PPP2R3A: variants seen among roughly 807,000 people sequenced by gnomAD.
The protein encoded by PPP2R3A is serine/threonine-protein phosphatase 2A regulatory subunit B'' subunit alpha.
In PPP2R3A, 80 loss-of-function variants were observed where a neutral mutation model predicts 106.9. The observed-to-expected ratio is 0.75, with a 90% CI of 0.62 to 0.90. The LOEUF (loss-of-function observed/expected upper bound fraction) is 0.90. PPP2R3A is among the 40% of genes least tolerant of loss of function. PPP2R3A has a pLI of 0.00. For missense variants in PPP2R3A, 1,386 were observed against 1,350.4 expected, an observed-to-expected ratio of 1.03 and a Z score of -0.41; for synonymous variants, 483 against 468.3, an observed-to-expected ratio of 1.03 and a Z score of -0.41.
chr3:136,127,425 C>A (rs1938222950), intron 13 of PPP2R3A, among the ~76,000 whole-genome samples: 1 of 151,994 alleles, frequency 6.6e-6, no homozygotes, highest in African/African-American at 2.4e-5. Context: ...GATTGAAGAT[C>A]AAACTAATGA....
chr3:136,125,475 C>T (rs1211715926), intron 13 of PPP2R3A, among the ~76,000 whole-genome samples: 2 of 152,178 alleles, frequency 1.3e-5, no homozygotes, highest in African/African-American at 4.8e-5. Context: ...CTCTGTAAAG[C>T]CAGTATCACC....
At chr3:135,991,676 G>T (rs1933169058) in intron 1 of PPP2R3A, among the ~76,000 whole-genome samples, 1 of 152,012 alleles carries the variant, frequency 6.6e-6, no homozygotes, top group Non-Finnish European at 1.5e-5. Context: ...ATGTTCCCTA[G>T]ACCCCAGAGC....
intron 5 of PPP2R3A, among the ~76,000 whole-genome samples, chr3:136,054,484 C>T (rs34767379): frequency 0.23 from 35,169 of 152,002 alleles, 4,877 homozygotes; most frequent in Non-Finnish European, 0.32. Context: ...GTCTGGATCT[C>T]TTGACCTCGT....
At chr3:136,103,128 A>T (rs1316986372) in intron 11 of PPP2R3A, 130 bp from the exon 12 acceptor site, 5 of 515,376 alleles carry the variant, frequency 9.7e-6, no homozygotes, top group East Asian at 3.3e-5. Flanking sequence ...TGAGATTTAA[A>T]TTTTTTTATT....
At chr3:136,043,771 T>G (rs992752572) in intron 4 of PPP2R3A, among the ~76,000 whole-genome samples, 1 of 152,240 alleles carries the variant, frequency 6.6e-6, no homozygotes, top group Admixed American at 6.5e-5. Context: ...TATCAATGTA[T>G]CATTTGTCCA....
intron 10 of PPP2R3A, among the ~76,000 whole-genome samples, chr3:136,098,406 G>C (rs2107960088): frequency 6.6e-6 from 1 of 152,320 alleles, no homozygotes; most frequent in Non-Finnish European, 1.5e-5. Context: ...GGTACACACA[G>C]ATCTTAATGT....
At chr3:135,973,347 A>G (rs554580997) in intron 1 of PPP2R3A, among the ~76,000 whole-genome samples, 1 of 152,316 alleles carries the variant, frequency 6.6e-6, no homozygotes, top group Admixed American at 6.5e-5. Context: ...TATTATTGGC[A>G]TGCCACATAG....
At chr3:135,992,501 C>T (rs2107775483) in intron 1 of PPP2R3A, among the ~76,000 whole-genome samples, 1 of 152,230 alleles carries the variant, frequency 6.6e-6, no homozygotes. Flanking sequence ...CCAGATGTTT[C>T]CTGAAGTGGA....
intron 10 of PPP2R3A, among the ~76,000 whole-genome samples, chr3:136,097,989 T>A (rs1198407281): frequency 2.6e-5 from 4 of 152,224 alleles, no homozygotes; most frequent in Non-Finnish European, 5.9e-5. Context: ...TGACTGAACC[T>A]CACCATAGCC....
Position 136,002,129 on chromosome 3 carries a change from G to A in PPP2R3A, c.631G>A (p.Val211Ile), listed in dbSNP as rs1933650889. 1 of 1,613,984 alleles carries A rather than the reference G, an allele frequency of 6.2e-7. No homozygotes were observed. Among genetic ancestry groups the A allele is most frequent in the South Asian group, 1.1e-5 (1 of 91,048 alleles). ...TCAAAACTTTTCTGAAGAAGACTTG[G>A]TTACTCAGATTTTGGAAAAACATAA... The part of the protein sequence containing the change: ...FLQNFSEEDL[V>I]TQILEKHKID... The change falls in exon 2 of 14, where the codon GTT becomes ATT. Residue 211 changes from valine (V) to isoleucine (I), a missense_variant. By Grantham distance (29) the Val-to-Ile change is conservative. Transcript: ENST00000264977.
At chr3:136,140,635 C>T (rs1349173117) in intron 13 of PPP2R3A, among the ~76,000 whole-genome samples, 1 of 151,610 alleles carries the variant, frequency 6.6e-6, no homozygotes, top group East Asian at 1.9e-4. Context: ...GTAATCGCAG[C>T]TACTTGGGAG....
At chr3:136,043,590 T>C (rs1935371074) in intron 4 of PPP2R3A, among the ~76,000 whole-genome samples, 1 of 152,240 alleles carries the variant, frequency 6.6e-6, no homozygotes, top group Non-Finnish European at 1.5e-5. Flanking sequence ...TTCATGTCTA[T>C]ACTCTGACAT....
chr3:136,077,276 G>T (rs1186196424), intron 6 of PPP2R3A, among the ~76,000 whole-genome samples: 1 of 152,160 alleles, frequency 6.6e-6, no homozygotes, highest in African/African-American at 2.4e-5. Flanking sequence ...TCCCTGTTTA[G>T]AACAGTTGAA....
chr3:136,044,220 ATAAG>A (rs1487714884), intron 4 of PPP2R3A, among the ~76,000 whole-genome samples: 1 of 152,230 alleles, frequency 6.6e-6, no homozygotes, highest in African/African-American at 2.4e-5. Flanking sequence ...GTTATGGAGA[ATAAG>A]TATAAAAATC....
intron 5 of PPP2R3A, chr3:136,055,723 C>A (rs1935838536): frequency 1.4e-6 from 1 of 718,460 alleles, no homozygotes; most frequent in Non-Finnish European, 2.4e-6. Context: ...TAGAGAAATA[C>A]CACTACTTGG....
intron 2 of PPP2R3A, among the ~76,000 whole-genome samples, chr3:136,007,004 CT>C (rs1933869740): frequency 6.6e-6 from 1 of 152,176 alleles, no homozygotes; most frequent in South Asian, 2.1e-4. Flanking sequence ...AGGTGGTAAC[CT>C]TTTCCCATCG....
intron 2 of PPP2R3A, among the ~76,000 whole-genome samples, chr3:136,020,249 C>T (rs1934419032): frequency 6.6e-6 from 1 of 152,040 alleles, no homozygotes; most frequent in Non-Finnish European, 1.5e-5. Flanking sequence ...GAATCATAAA[C>T]TATATGTGTG....
chr3:136,028,797 G>A (rs956552652), intron 3 of PPP2R3A, among the ~76,000 whole-genome samples: 2 of 152,158 alleles, frequency 1.3e-5, no homozygotes, highest in Non-Finnish European at 2.9e-5. Context: ...AGGTAATATG[G>A]TAACTACATA....
At chr3:136,106,926 C>CAAAAAAAAAAAAAAA (rs36029618) in intron 13 of PPP2R3A, 1 of 41,716 alleles carries the variant, frequency 2.4e-5, no homozygotes, top group African/African-American at 6.3e-5. Context: ...ACTCCGTCTC[C>CAAAAAAAAAAAAAAA]AAAAAAAAAA....
Sources: allele counts gnomAD v4.1 joint callset (sites outside exome capture counted in the v4.1 genomes callset), GRCh38; gene constraint gnomAD v4.1.1; transcripts MANE v1.5; gene names NCBI Gene and HGNC (gene_info 2026-07-23, HGNC 2026-07-21).